Variants in ICA1 observed in about 807,000 individuals in gnomAD.
ICA1 encodes islet cell autoantigen 1, also known as 69 kDa islet cell autoantigen.
A neutral mutation model predicts 71.0 loss-of-function variants in ICA1; 40 were observed. The ratio of observed to expected loss-of-function variants is 0.56; its 90% CI spans 0.44 to 0.73. The LOEUF (loss-of-function observed/expected upper bound fraction) is 0.73, where lower values mean the gene tolerates loss of function less well. Ranked by LOEUF, ICA1 falls within the 30% of genes least tolerant of loss-of-function variation. The probability of loss-of-function intolerance (pLI) is 0.00; values close to 1 mark genes in which losing one functional copy is unlikely to be tolerated. For synonymous variants in ICA1, 207 were observed against 209.5 expected (o/e 0.99, Z 0.10); for missense variants, 578 against 576.5 (o/e 1.00, Z -0.03).
At chr7:8,141,950 T>A in intron 9 of ICA1, 133 bp from the exon 10 acceptor site, 1 of 1,472,818 alleles carries the variant, frequency 6.8e-7, no homozygotes, top group South Asian at 1.2e-5. Context: ...CGAAGAAGGG[T>A]CAACATATAG....
rs946330414 is a variant in ICA1, at chr7:8,227,738, G to A, written c.256+863C>T. On this transcript the variant is annotated intron_variant, in intron 4 of 13. Transcript: ENST00000402384. ...CTGGGACTGCACATGCACGGTACCC[G>A]GATAATTTTTAAGTGTTTTTATTTT... is the stretch of plus-strand genomic sequence containing the variant. 18 of 407,152 alleles carry A rather than the reference G, an allele frequency of 4.4e-5. No homozygotes were observed. The East Asian group carries it at 7.9e-4, about 18-fold the overall frequency. The allele number at this position is 407,152 out of a possible 1,614,324, so 25.2% of individuals were successfully genotyped here.
chr7:8,143,736 G>C, intron 9 of ICA1, 139 bp downstream of exon 9: 1 of 608,628 alleles, frequency 1.6e-6, no homozygotes, highest in Non-Finnish European at 2.9e-6. Flanking sequence ...GGTTTGGCTG[G>C]GATGCTAATA....
chr7:8,121,551 A>G (rs1285720575), intron 13 of ICA1, among the ~76,000 whole-genome samples: 2 of 152,240 alleles, frequency 1.3e-5, no homozygotes, highest in African/African-American at 4.8e-5. Flanking sequence ...TAAAAATGAA[A>G]ACAATTCAGT....
chr7:8,233,392 G>C (rs1800856632), intron 2 of ICA1, among the ~76,000 whole-genome samples: 1 of 128,576 alleles, frequency 7.8e-6, no homozygotes, highest in Non-Finnish European at 1.6e-5. Context: ...CTTATTCTTG[G>C]TATTTTTTTT....
chr7:8,187,700 C>G (rs919616873), intron 6 of ICA1, among the ~76,000 whole-genome samples: 4 of 152,196 alleles, frequency 2.6e-5, no homozygotes, highest in Non-Finnish European at 4.4e-5. Flanking sequence ...CATTGTACAA[C>G]TGTACAAAAG....
intron 6 of ICA1, among the ~76,000 whole-genome samples, chr7:8,168,479 C>T (rs1315184740): frequency 6.6e-6 from 1 of 152,082 alleles, no homozygotes; most frequent in Non-Finnish European, 1.5e-5. Context: ...GCTCTTTAAA[C>T]CATGGGACAC....
intron 7 of ICA1, 39 bp downstream of exon 7, chr7:8,158,488 G>GC: frequency 6.2e-7 from 1 of 1,610,016 alleles, no homozygotes. Context: ...TAAACCTTGT[G>GC]CCATCCTTGG....
chr7:8,201,936 G>A (rs1310467350), intron 6 of ICA1, among the ~76,000 whole-genome samples: 2 of 152,184 alleles, frequency 1.3e-5, no homozygotes, highest in African/African-American at 4.8e-5. Flanking sequence ...AAGCCCAGAT[G>A]CTGCAGCAAG....
chr7:8,170,880 A>G (rs548936149), intron 6 of ICA1, among the ~76,000 whole-genome samples: 1 of 152,046 alleles, frequency 6.6e-6, no homozygotes, highest in South Asian at 2.1e-4. Flanking sequence ...GAGAAAGCAT[A>G]TTTATTTTGT....
intron 13 of ICA1, among the ~76,000 whole-genome samples, chr7:8,118,080 G>A (rs3807849): frequency 2.6e-5 from 4 of 152,032 alleles, no homozygotes; most frequent in Non-Finnish European, 4.4e-5. Context: ...CTTTTAAACC[G>A]TGAGTATACT....
intron 6 of ICA1, 38 bp from the exon 7 acceptor site, chr7:8,158,690 C>T (rs1379140604): frequency 6.3e-7 from 1 of 1,595,386 alleles, no homozygotes; most frequent in African/African-American, 1.4e-5. Context: ...TCACCCTAAC[C>T]CTTAAGTAGG....
chr7:8,122,977 C>T (rs959476882), intron 13 of ICA1, among the ~76,000 whole-genome samples: 6 of 152,162 alleles, frequency 3.9e-5, no homozygotes, highest in African/African-American at 1.4e-4. Context: ...GACTCTGAGG[C>T]CTCTCAGCAT....
At chr7:8,134,886 A>G (rs1376225245) in intron 12 of ICA1, among the ~76,000 whole-genome samples, 2 of 152,046 alleles carry the variant, frequency 1.3e-5, no homozygotes, top group African/African-American at 4.8e-5. Context: ...GACCCTGAGT[A>G]GGCACTAAAA....
intron 12 of ICA1, 64 bp downstream of exon 12, chr7:8,138,776 C>A (rs1323325939): frequency 7.8e-6 from 10 of 1,274,086 alleles, no homozygotes; most frequent in African/African-American, 1.5e-5. Context: ...CACTTTCTTA[C>A]ATGTAAAAGA....
rs768860239 is a variant in ICA1 at position 8,143,959 on chromosome 7, G to C, written c.818C>G (p.Pro273Arg). Residue 273 changes from proline (P) to arginine (R), a missense_variant, in exon 9 of 14, where the codon CCT becomes CGT. Pro to Arg is a moderately radical substitution (Grantham distance 103). Transcript: ENST00000402384. ...EFTTLKSLQD[P>R]MKKLVEKEEK... ...TTCTTTCTCAACTAATTTTTTCATA[G>C]GGTCTTGTAAGCTCTTGATCACGAG... The C allele has an allele frequency of 2.1e-5, 34 of 1,592,464 alleles. No homozygotes were observed. The South Asian group carries it at 3.3e-4, about 16-fold the overall frequency.
chr7:8,150,692 G>A (rs1798499542), intron 8 of ICA1, among the ~76,000 whole-genome samples: 1 of 152,248 alleles, frequency 6.6e-6, no homozygotes, highest in South Asian at 2.1e-4. Context: ...AACTCTAAAA[G>A]AAGAGCCATA....
chr7:8,171,127 G>A (rs1440475134), intron 6 of ICA1, among the ~76,000 whole-genome samples: 1 of 151,700 alleles, frequency 6.6e-6, no homozygotes, highest in African/African-American at 2.4e-5. Flanking sequence ...TCTTTTTCTG[G>A]TTTTGCTATT....
At chr7:8,185,899 T>C (rs1783753227) in intron 6 of ICA1, among the ~76,000 whole-genome samples, 1 of 152,240 alleles carries the variant, frequency 6.6e-6, no homozygotes, top group African/African-American at 2.4e-5. Flanking sequence ...TTTCCAGGCA[T>C]GTAGGAGCCT....
chr7:8,235,566 A>T (rs1381200447), intron 2 of ICA1, among the ~76,000 whole-genome samples: 4 of 152,110 alleles, frequency 2.6e-5, no homozygotes, highest in African/African-American at 7.2e-5. Context: ...TTCCCTTGTA[A>T]CTCTAATGTT....
Sources: gnomAD v4.1 joint callset for allele counts (sites outside exome capture counted in the v4.1 genomes callset) on GRCh38, gnomAD v4.1.1 for gene constraint, MANE v1.5 for transcripts, NCBI Gene and HGNC (gene_info 2026-07-23, HGNC 2026-07-21) for gene names.